The following PLGRKT variants were observed in gnomAD, a reference collection of about 807,000 sequenced individuals.
PLGRKT encodes plasminogen receptor with a C-terminal lysine, also known as plasminogen receptor (KT).
PLGRKT carries 22 observed loss-of-function variants against 18.5 expected under a neutral mutation model. That is an observed-to-expected ratio of 1.19 (90% CI 0.85 to 1.70). PLGRKT has a LOEUF of 1.70. Among genes scored for constraint, PLGRKT ranks in the 40% most tolerant of loss-of-function variants. PLGRKT has a pLI of 0.00. For synonymous variants in PLGRKT, 72 were observed against 52.8 expected, an observed-to-expected ratio of 1.36 and a Z score of -1.58; for missense variants, 235 against 174.4, an observed-to-expected ratio of 1.35 and a Z score of -1.96.
At chr9:5,399,923 G>A (rs748734991) in intron 3 of PLGRKT, among the ~76,000 whole-genome samples, 3 of 151,796 alleles carry the variant, frequency 2.0e-5, no homozygotes, top group African/African-American at 4.9e-5. Context: ...CCTGAAAGCA[G>A]AGGTTGCAGT....
intron 2 of PLGRKT, among the ~76,000 whole-genome samples, chr9:5,432,647 G>A (rs889269020): frequency 3.9e-5 from 6 of 152,072 alleles, no homozygotes; most frequent in African/African-American, 7.2e-5. Flanking sequence ...CCAGGCACGC[G>A]CCACCACTCC....
At chr9:5,376,537 C>T (rs1166158238) in intron 3 of PLGRKT, among the ~76,000 whole-genome samples, 1 of 152,092 alleles carries the variant, frequency 6.6e-6, no homozygotes, top group African/African-American at 2.4e-5. Flanking sequence ...TTGGAAACAA[C>T]AACATTAAAA....
At position 5,361,937 on chromosome 9, in the gene PLGRKT, G is replaced by A. The variant is rs1554625798; in HGVS notation, c.82-49C>T. ...GTAAAGTTACTCATCTTTGGAATCT[G>A]AACAAATAGTTAATAATCTGTTTTT... On this transcript the variant is annotated intron_variant, in intron 3 of 5. Coordinates refer to ENST00000223864, the MANE Select transcript of PLGRKT (RefSeq NM_018465.4). 5 of 1,541,680 alleles carry A rather than the reference G, an allele frequency of 3.2e-6. No homozygotes were observed. In the South Asian group the frequency reaches 5.9e-5, roughly 18 times the overall value.
chr9:5,360,963 A>AAT (rs1486354266), intron 5 of PLGRKT, 115 bp downstream of exon 5: 22 of 625,116 alleles, frequency 3.5e-5, no homozygotes, highest in Non-Finnish European at 5.7e-5. Context: ...TGCTCATTGG[A>AAT]GGTTCAAAGA....
chr9:5,434,769 T>G (rs189814619), intron 2 of PLGRKT, among the ~76,000 whole-genome samples: 1,541 of 147,550 alleles, frequency 0.01, 36 homozygotes, highest in African/African-American at 0.037. Context: ...GGAAGTGAGG[T>G]GTGCCTCTGC....
intron 3 of PLGRKT, among the ~76,000 whole-genome samples, chr9:5,363,716 C>T (rs558233514): frequency 5.5e-4 from 83 of 152,258 alleles, no homozygotes; most frequent in African/African-American, 1.8e-3. Flanking sequence ...CACCTGAGAT[C>T]ACCTGGACCC....
At chr9:5,379,774 T>C (rs1322657630) in intron 3 of PLGRKT, among the ~76,000 whole-genome samples, 3 of 152,186 alleles carry the variant, frequency 2.0e-5, no homozygotes, top group Non-Finnish European at 2.9e-5. Flanking sequence ...CTATCCTTTG[T>C]TGGTGAGAGT....
intron 3 of PLGRKT, among the ~76,000 whole-genome samples, chr9:5,373,747 A>G (rs1414431428): frequency 6.6e-6 from 1 of 152,072 alleles, no homozygotes; most frequent in African/African-American, 2.4e-5. Context: ...GCAGTGACAG[A>G]GTCTGGGTGA....
At chr9:5,368,726 G>A (rs1817450706) in intron 3 of PLGRKT, among the ~76,000 whole-genome samples, 1 of 152,000 alleles carries the variant, frequency 6.6e-6, no homozygotes, top group African/African-American at 2.4e-5. Context: ...AACAAAAGTT[G>A]AAATTATAAA....
intron 3 of PLGRKT, among the ~76,000 whole-genome samples, chr9:5,384,334 TA>T (rs1424965809): frequency 6.6e-6 from 1 of 152,202 alleles, no homozygotes; most frequent in African/African-American, 2.4e-5. Context: ...ATTCCAGAGT[TA>T]AAAAATTATC....
At chr9:5,426,759 C>A (rs1818709938) in intron 3 of PLGRKT, among the ~76,000 whole-genome samples, 1 of 152,100 alleles carries the variant, frequency 6.6e-6, no homozygotes, top group Non-Finnish European at 1.5e-5. Context: ...AGTAAGCAAC[C>A]CTGAGGGATG....
chr9:5,361,190 G>A lies in PLGRKT; in HGVS notation c.213-3C>T. 1 of 1,558,644 alleles carries A rather than the reference G, an allele frequency of 6.4e-7. No homozygotes were observed. The highest frequency in any genetic ancestry group is 8.8e-7 in the Non-Finnish European group (1 of 1,136,036). On this transcript the variant is annotated splice_region_variant and splice_polypyrimidine_tract_variant and intron_variant, in intron 4 of 5. Coordinates refer to ENST00000223864, the MANE Select transcript of PLGRKT (RefSeq NM_018465.4). ...CTGGCTTCTTTTTTTTAATCGCTCT[G>A]TTTCAAGAATTAAAAGAAGAACCAA...
chr9:5,424,697 CA>C (rs71326165), intron 3 of PLGRKT, among the ~76,000 whole-genome samples: 1,865 of 66,122 alleles, frequency 0.028, 58 homozygotes, highest in African/African-American at 0.073. Flanking sequence ...TATATACACA[CA>C]GGGGGGGGAG....
intron 3 of PLGRKT, among the ~76,000 whole-genome samples, chr9:5,363,961 A>G (rs1159178857): frequency 6.6e-6 from 1 of 152,240 alleles, no homozygotes; most frequent in Non-Finnish European, 1.5e-5. Flanking sequence ...TCCTTGCCAC[A>G]TTACTTATTT....
chr9:5,403,417 G>A (rs959822598), intron 3 of PLGRKT, among the ~76,000 whole-genome samples: 2 of 151,884 alleles, frequency 1.3e-5, no homozygotes, highest in Admixed American at 6.6e-5. Context: ...TAGAAACGGG[G>A]TTTCACCAAG....
chr9:5,402,007 A>C (rs527405163), intron 3 of PLGRKT, among the ~76,000 whole-genome samples: 1 of 151,944 alleles, frequency 6.6e-6, no homozygotes, highest in South Asian at 2.1e-4. Context: ...CCAAAAATTT[A>C]ATTTGTAATT....
intron 3 of PLGRKT, among the ~76,000 whole-genome samples, chr9:5,383,206 G>A (rs1477913056): frequency 6.6e-6 from 1 of 152,156 alleles, no homozygotes; most frequent in East Asian, 1.9e-4. Flanking sequence ...GCTGCAAAAG[G>A]CAAAGAAGGA....
intron 3 of PLGRKT, among the ~76,000 whole-genome samples, chr9:5,401,734 G>T (rs2131128852): frequency 6.6e-6 from 1 of 152,028 alleles, no homozygotes; most frequent in African/African-American, 2.4e-5. Context: ...TTATGTTCCA[G>T]GTGAAGATAA....
At chr9:5,409,705 T>C (rs1818325282) in intron 3 of PLGRKT, among the ~76,000 whole-genome samples, 1 of 152,164 alleles carries the variant, frequency 6.6e-6, no homozygotes, top group South Asian at 2.1e-4. Flanking sequence ...CACACCAGTG[T>C]GCGCTGGATG....
Sources: gnomAD v4.1 joint callset for allele counts (sites outside exome capture counted in the v4.1 genomes callset) on GRCh38, gnomAD v4.1.1 for gene constraint, MANE v1.5 for transcripts, NCBI Gene and HGNC (gene_info 2026-07-23, HGNC 2026-07-21) for gene names.